Variants in NEDD4L observed in about 807,000 individuals in gnomAD.
NEDD4L encodes the protein E3 ubiquitin-protein ligase NEDD4-like.
A neutral mutation model predicts 148.9 loss-of-function variants in NEDD4L; 54 were observed. That is an observed-to-expected ratio of 0.36 (90% confidence interval 0.29 to 0.45). NEDD4L has a LOEUF of 0.45. Among genes scored for constraint, NEDD4L ranks in the 20% least tolerant of loss-of-function variants. The pLI, the probability that NEDD4L is intolerant of heterozygous loss-of-function variation, is 1.00. For synonymous variants in NEDD4L, 433 were observed against 440.7 expected (o/e 0.98, Z 0.22); for missense variants, 856 against 1,233.8 (o/e 0.69, Z 4.59).
At chr18:58,179,049 G>C (rs551696397) in intron 2 of NEDD4L, among the ~76,000 whole-genome samples, 1 of 152,316 alleles carries the variant, frequency 6.6e-6, no homozygotes, top group Non-Finnish European at 1.5e-5. Flanking sequence ...CTCTGACACT[G>C]ACTTGAATCA....
At chr18:58,118,100 A>G (rs1384344204) in intron 1 of NEDD4L, among the ~76,000 whole-genome samples, 1 of 152,236 alleles carries the variant, frequency 6.6e-6, no homozygotes, top group East Asian at 1.9e-4. Flanking sequence ...CCTTCATGCA[A>G]TAGCCTCAGA....
At chr18:58,382,139 G>A (rs988552328) in intron 24 of NEDD4L, among the ~76,000 whole-genome samples, 6 of 152,236 alleles carry the variant, frequency 3.9e-5, no homozygotes, top group Non-Finnish European at 7.3e-5. Flanking sequence ...TGTGTTTTAC[G>A]TTGAAAAGCC....
chr18:58,289,681 G>A (rs984670181), intron 5 of NEDD4L, among the ~76,000 whole-genome samples: 6 of 152,160 alleles, frequency 3.9e-5, no homozygotes, highest in South Asian at 2.1e-4. Flanking sequence ...GGGGAAGGAA[G>A]CCTCCACTTG....
intron 5 of NEDD4L, among the ~76,000 whole-genome samples, chr18:58,273,065 C>T (rs533514598): frequency 2.0e-5 from 3 of 152,284 alleles, no homozygotes; most frequent in African/African-American, 2.4e-5. Context: ...GGAACTGCAG[C>T]GGAAGCAGCC....
At chr18:58,121,743 A>T (rs779947007) in intron 1 of NEDD4L, among the ~76,000 whole-genome samples, 18 of 152,100 alleles carry the variant, frequency 1.2e-4, no homozygotes, top group Non-Finnish European at 2.1e-4. Context: ...ATATTTTCTG[A>T]TTTGTAATGT....
chr18:58,197,253 C>T lies in NEDD4L; in HGVS notation c.122+31392C>T, dbSNP rs182121789. ...AGAGATGGAAAATTGGCAAGACAAACGCCATAAACCTTAACCTGTTTATAA... is the reference window on the plus strand; with the variant it reads ...AGAGATGGAAAATTGGCAAGACAAATGCCATAAACCTTAACCTGTTTATAA... On this transcript the variant is annotated intron_variant, in intron 2 of 30. Coordinates refer to ENST00000400345, the MANE Select transcript of NEDD4L (RefSeq NM_001144967.3). Among the ~76,000 whole-genome samples the T allele has an allele frequency of 1.3e-3, 202 of 152,212 alleles. 1 individual carries two copies. The highest frequency in any genetic ancestry group is 1.2e-4 in the Non-Finnish European group (8 of 68,022).
At position 58,375,879 on chromosome 18, in the gene NEDD4L, A is replaced by G. The variant is rs150301588; in HGVS notation, c.2352+2610A>G. Among the ~76,000 whole-genome samples the G allele has an allele frequency of 5.0e-3, 757 of 152,290 alleles. 4 individuals carry two copies. Among genetic ancestry groups the G allele is most frequent in the Non-Finnish European group, 6.3e-3 (426 of 68,010 alleles). On this transcript the variant is annotated intron_variant, in intron 24 of 30. Coordinates refer to ENST00000400345, the MANE Select transcript of NEDD4L (RefSeq NM_001144967.3). ...AGTCAAGTCTTGGTGGCTTTTTTTA[A>G]AAAGCCGGACCTATTGAAGGGTCTT...
At chr18:58,059,399 C>G (rs1241158864) in intron 1 of NEDD4L, among the ~76,000 whole-genome samples, 2 of 152,206 alleles carry the variant, frequency 1.3e-5, no homozygotes, top group Non-Finnish European at 2.9e-5. Flanking sequence ...TATTTCCCCC[C>G]CAGAGGCTCT....
At chr18:58,382,427 G>T (rs979855627) in intron 24 of NEDD4L, among the ~76,000 whole-genome samples, 5 of 152,206 alleles carry the variant, frequency 3.3e-5, no homozygotes, top group African/African-American at 1.2e-4. Flanking sequence ...AGATTTAGAG[G>T]GAACCCCACC....
At chr18:58,067,623 G>C (rs550042457) in intron 1 of NEDD4L, among the ~76,000 whole-genome samples, 1 of 152,304 alleles carries the variant, frequency 6.6e-6, no homozygotes, top group East Asian at 1.9e-4. Flanking sequence ...GCTAGGAAGA[G>C]GAGTAGCTTA....
chr18:58,132,251 GTGGT>G (rs768071628), intron 1 of NEDD4L, among the ~76,000 whole-genome samples: 1 of 152,178 alleles, frequency 6.6e-6, no homozygotes, highest in East Asian at 1.9e-4. Flanking sequence ...GGTAGTGGTG[GTGGT>G]TTTTTGCCAC....
At chr18:58,341,202 G>T in intron 14 of NEDD4L, 33 bp downstream of exon 14, 2 of 1,606,678 alleles carry the variant, frequency 1.2e-6, no homozygotes, top group South Asian at 1.1e-5. Context: ...TAAAACCGCA[G>T]GCCATAGAAG....
chr18:58,158,915 TGAGA>T (rs148653059), intron 1 of NEDD4L, among the ~76,000 whole-genome samples: 1 of 151,886 alleles, frequency 6.6e-6, no homozygotes, highest in African/African-American at 2.4e-5. Context: ...TGTAAGCTCC[TGAGA>T]GAGAGAGAGA....
At chr18:58,153,158 T>C (rs974442537) in intron 1 of NEDD4L, among the ~76,000 whole-genome samples, 1 of 152,156 alleles carries the variant, frequency 6.6e-6, no homozygotes, top group East Asian at 1.9e-4. Flanking sequence ...GAATCATTGA[T>C]TCCTGTCTTT....
intron 2 of NEDD4L, among the ~76,000 whole-genome samples, chr18:58,169,037 C>T (rs545511393): frequency 6.6e-6 from 1 of 152,328 alleles, no homozygotes; most frequent in South Asian, 2.1e-4. Flanking sequence ...CTGCCTACAG[C>T]TCCAGCTCAG....
At chr18:58,065,840 C>T (rs147311969) in intron 1 of NEDD4L, among the ~76,000 whole-genome samples, 2 of 152,246 alleles carry the variant, frequency 1.3e-5, no homozygotes, top group African/African-American at 2.4e-5. Context: ...ACGTGTTTGC[C>T]ACCACACAGA....
At chr18:58,180,184 C>T (rs1322776181) in intron 2 of NEDD4L, among the ~76,000 whole-genome samples, 1 of 152,158 alleles carries the variant, frequency 6.6e-6, no homozygotes, top group Non-Finnish European at 1.5e-5. Context: ...ACGCATCCCT[C>T]TCCGAGCCGC....
intron 19 of NEDD4L, among the ~76,000 whole-genome samples, chr18:58,360,465 A>C (rs2045318394): frequency 6.6e-6 from 1 of 152,010 alleles, no homozygotes; most frequent in South Asian, 2.1e-4. Flanking sequence ...TCTCTTTATC[A>C]GTTCATTGTG....
intron 1 of NEDD4L, among the ~76,000 whole-genome samples, chr18:58,062,256 T>C (rs1180950448): frequency 1.3e-5 from 2 of 152,172 alleles, no homozygotes; most frequent in Non-Finnish European, 2.9e-5. Context: ...TGGGACCATC[T>C]GGTGAGTGTG....
Sources: allele counts gnomAD v4.1 joint callset (sites outside exome capture counted in the v4.1 genomes callset), GRCh38; gene constraint gnomAD v4.1.1; transcripts MANE v1.5; gene names NCBI Gene and HGNC (gene_info 2026-07-23, HGNC 2026-07-21).